Variants in NUMB observed in about 807,000 individuals in gnomAD.
NUMB encodes NUMB endocytic adaptor protein.
In NUMB, 29 loss-of-function variants were observed where a neutral mutation model predicts 59.7. That is an observed-to-expected ratio of 0.49 (90% CI 0.36 to 0.66). The LOEUF (loss-of-function observed/expected upper bound fraction) is 0.66. NUMB is among the 30% of genes least tolerant of loss of function. The pLI, the probability that NUMB is intolerant of heterozygous loss-of-function variation, is 0.00. For synonymous variants in NUMB, 288 were observed against 288.2 expected, an observed-to-expected ratio of 1.00 and a Z score of 0.01; for missense variants, 723 against 822.0, an observed-to-expected ratio of 0.88 and a Z score of 1.47.
At chr14:73,282,223 C>A in intron 11 of NUMB, 136 bp downstream of exon 11, 4 of 718,264 alleles carry the variant, frequency 5.6e-6, no homozygotes, top group Non-Finnish European at 8.8e-6. Context: ...ATCAATGAAT[C>A]TAAGACATCA....
chr14:73,317,881 A>G (rs1418274680), intron 5 of NUMB, among the ~76,000 whole-genome samples: 2 of 152,212 alleles, frequency 1.3e-5, no homozygotes, highest in Non-Finnish European at 2.9e-5. Flanking sequence ...ATGTTGGATA[A>G]ATGTCTAGGA....
intron 7 of NUMB, among the ~76,000 whole-genome samples, chr14:73,296,645 A>G (rs1184591377): frequency 6.6e-6 from 1 of 152,196 alleles, no homozygotes; most frequent in Non-Finnish European, 1.5e-5. Flanking sequence ...CTTCAACAAT[A>G]TAATACCCTT....
At chr14:73,292,443 T>C (rs1002996366) in intron 8 of NUMB, among the ~76,000 whole-genome samples, 1 of 152,210 alleles carries the variant, frequency 6.6e-6, no homozygotes, top group Non-Finnish European at 1.5e-5. Context: ...CTGAAAATAC[T>C]TCCAATAATT....
At chr14:73,414,155 C>T (rs533179424) in intron 1 of NUMB, among the ~76,000 whole-genome samples, 1 of 152,110 alleles carries the variant, frequency 6.6e-6, no homozygotes, top group South Asian at 2.1e-4. Context: ...CGGGGTTTCA[C>T]CATGTTGGCC....
intron 2 of NUMB, among the ~76,000 whole-genome samples, chr14:73,383,342 A>G (rs539431750): frequency 1.3e-5 from 2 of 152,330 alleles, no homozygotes; most frequent in South Asian, 2.1e-4. Context: ...AAAATACATA[A>G]TATAAAACTA....
At chr14:73,298,736 C>G (rs1594878409) in intron 6 of NUMB, 1 of 152,232 alleles carries the variant, frequency 6.6e-6, no homozygotes, top group East Asian at 1.9e-4. Context: ...ATAAGTGATC[C>G]AAGCCCAGGA....
chr14:73,374,531 A>G (rs545827019), intron 2 of NUMB, among the ~76,000 whole-genome samples: 1 of 152,130 alleles, frequency 6.6e-6, no homozygotes, highest in South Asian at 2.1e-4. Flanking sequence ...AGATCCTTCT[A>G]TTTCATAAGT....
At chr14:73,339,347 C>A (rs1426935184) in intron 4 of NUMB, among the ~76,000 whole-genome samples, 1 of 152,090 alleles carries the variant, frequency 6.6e-6, no homozygotes, top group Non-Finnish European at 1.5e-5. Context: ...TCTGCCTGTA[C>A]CTTTTGCTCT....
At chr14:73,352,451 C>T (rs1168384829) in intron 4 of NUMB, among the ~76,000 whole-genome samples, 2 of 33,472 alleles carry the variant, frequency 6.0e-5, no homozygotes, top group Admixed American at 3.3e-4. Context: ...CACACACACA[C>T]ACACACATAC....
At chr14:73,452,459 G>A (rs1884056423) in intron 1 of NUMB, among the ~76,000 whole-genome samples, 2 of 152,116 alleles carry the variant, frequency 1.3e-5, no homozygotes, top group African/African-American at 4.8e-5. Flanking sequence ...TGTTGAGGCT[G>A]CAGTGAGCCG....
chr14:73,399,832 T>C (rs60892902), intron 2 of NUMB, among the ~76,000 whole-genome samples: 8,865 of 152,018 alleles, frequency 0.058, 717 homozygotes, highest in African/African-American at 0.19. Flanking sequence ...TCACTTGAGG[T>C]CAGGAGTTCA....
At chr14:73,390,008 A>G (rs1370176757) in intron 2 of NUMB, among the ~76,000 whole-genome samples, 1 of 152,244 alleles carries the variant, frequency 6.6e-6, no homozygotes, top group Non-Finnish European at 1.5e-5. Context: ...CATGTAAAGA[A>G]CATTTTTAAA....
At chr14:73,330,283 T>C (rs986687387) in intron 4 of NUMB, among the ~76,000 whole-genome samples, 1 of 152,140 alleles carries the variant, frequency 6.6e-6, no homozygotes, top group Admixed American at 6.5e-5. Context: ...CTGCCTGCCT[T>C]GGCCTCCCAA....
chr14:73,391,213 T>C (rs144994315), intron 2 of NUMB, among the ~76,000 whole-genome samples: 1 of 151,880 alleles, frequency 6.6e-6, no homozygotes. Context: ...TAAACCATCG[T>C]GCATAAACAT....
chr14:73,281,289 G>T (rs2139801586), intron 11 of NUMB: 1 of 151,282 alleles, frequency 6.6e-6, no homozygotes, highest in African/African-American at 2.4e-5. Context: ...CAGGCTTGTT[G>T]TGGGGATTAA....
intron 2 of NUMB, among the ~76,000 whole-genome samples, chr14:73,407,652 G>A (rs971908062): frequency 3.9e-5 from 6 of 152,134 alleles, no homozygotes; most frequent in African/African-American, 1.4e-4. Flanking sequence ...AACCGACTCT[G>A]TTAAATTAAA....
At chr14:73,395,037 T>TTATGTGTGTGTGTGTGTGTGTG (rs1230785169) in intron 2 of NUMB, among the ~76,000 whole-genome samples, 37 of 120,000 alleles carry the variant, frequency 3.1e-4, no homozygotes, top group East Asian at 2.4e-3. Context: ...ATTCGTGTGT[T>TTATGTGTGTGTGTGTGTGTGTG]TGTGTGTGTG....
chr14:73,372,305 T>TTATA (rs3028704), intron 2 of NUMB, among the ~76,000 whole-genome samples: 13,718 of 85,706 alleles, frequency 0.16, 1,453 homozygotes, highest in Non-Finnish European at 0.19. Flanking sequence ...TATATTTCTT[T>TTATA]TATATATATA....
chr14:73,423,647 G>GA lies in NUMB; in HGVS notation c.-232-13580dup, dbSNP rs1160823269. On this transcript the variant is annotated intron_variant, in intron 1 of 12. Coordinates refer to ENST00000555238, the MANE Select transcript of NUMB (RefSeq NM_001005743.2). ...CAGAGCAAGATTCTGTCTCAAAAAA[G>GA]AAAAAAAAAAAAATTAGCCAGGCAT... Among the ~76,000 whole-genome samples the GA allele has an allele frequency of 2.5e-3, 305 of 124,460 alleles. 2 individuals carry two copies. The highest frequency in any genetic ancestry group is 5.0e-3 in the Middle Eastern group (1 of 202). 81.7% of individuals were successfully genotyped at this position (124,460 alleles called of 152,430 possible).
Sources: gnomAD v4.1 joint callset for allele counts (sites outside exome capture counted in the v4.1 genomes callset) on GRCh38, gnomAD v4.1.1 for gene constraint, MANE v1.5 for transcripts, NCBI Gene and HGNC (gene_info 2026-07-23, HGNC 2026-07-21) for gene names.